The following ZBTB8A variants were observed in gnomAD, a reference collection of about 807,000 sequenced individuals.
ZBTB8A encodes zinc finger and BTB domain containing 8A.
In ZBTB8A, 19 loss-of-function variants were observed where a neutral mutation model predicts 37.8. That is an observed-to-expected ratio of 0.50 (90% CI 0.35 to 0.74). ZBTB8A has a LOEUF of 0.74. ZBTB8A is among the 30% of genes least tolerant of loss of function. The probability of loss-of-function intolerance (pLI) is 0.01; values close to 1 mark genes in which losing one functional copy is unlikely to be tolerated. For synonymous variants in ZBTB8A, 181 were observed against 185.2 expected (o/e 0.98, Z 0.19); for missense variants, 394 against 537.8 (o/e 0.73, Z 2.65).
rs552694342 is a variant in ZBTB8A, at chr1:32,541,956, T to TA, written c.-84+2385dup. Among the ~76,000 whole-genome samples, 708 of 152,334 alleles carry TA rather than the reference T, an allele frequency of 4.6e-3. 6 individuals are homozygous for TA. The highest frequency in any genetic ancestry group is 0.015 in the African/African-American group (635 of 41,580). On this transcript the variant is annotated intron_variant, in intron 1 of 4. Coordinates refer to ENST00000373510, the MANE Select transcript of ZBTB8A (RefSeq NM_001040441.3). ...ATCACTGACTTACAATGGCTTGACT[T>TA]ACGATTTTTTGACTTTACAGTGCGT...
chr1:32,544,257 A>G (rs942556609), intron 1 of ZBTB8A, among the ~76,000 whole-genome samples: 1 of 152,236 alleles, frequency 6.6e-6, no homozygotes, highest in African/African-American at 2.4e-5. Context: ...ACATCATAGA[A>G]TGTACTTACA....
At chr1:32,565,992 G>A (rs750113632) in intron 2 of ZBTB8A, among the ~76,000 whole-genome samples, 1 of 151,746 alleles carries the variant, frequency 6.6e-6, no homozygotes, top group African/African-American at 2.4e-5. Context: ...ATGACGTCAG[G>A]AGATCGAGAC....
chr1:32,595,557 C>T (rs1049143806), intron 4 of ZBTB8A, among the ~76,000 whole-genome samples: 1 of 150,482 alleles, frequency 6.6e-6, no homozygotes, highest in African/African-American at 2.4e-5. Flanking sequence ...CATGAGCCAC[C>T]ACGCCCGGCC....
intron 2 of ZBTB8A, among the ~76,000 whole-genome samples, chr1:32,565,697 G>T (rs771922503): frequency 4.6e-5 from 7 of 152,032 alleles, no homozygotes; most frequent in Non-Finnish European, 1.0e-4. Flanking sequence ...TGTTCTTTAT[G>T]AGCTCAAATT....
At chr1:32,572,463 T>G (rs905540519) in intron 2 of ZBTB8A, among the ~76,000 whole-genome samples, 1 of 151,980 alleles carries the variant, frequency 6.6e-6, no homozygotes, top group African/African-American at 2.4e-5. Flanking sequence ...TGGCGTGATC[T>G]CACCTTACTG....
rs1272342538 is a variant in ZBTB8A, at chr1:32,602,986, A to T, written c.*2567A>T. ...TAAATTGGTTACTTTCTTTTAAAAA[A>T]TTTAAAAATAGATGAATAACCACTT... is the stretch of plus-strand genomic sequence containing the variant. On this transcript the variant is annotated 3_prime_UTR_variant, in exon 5 of 5. Transcript: ENST00000373510. 2 of 152,208 alleles carry T rather than the reference A, an allele frequency of 1.3e-5. No individual in the cohort carries two copies. Among genetic ancestry groups the T allele is most frequent in the African/African-American group, 4.8e-5 (2 of 41,446 alleles). 9.4% of individuals were successfully genotyped at this position (152,208 alleles called of 1,614,324 possible).
intron 1 of ZBTB8A, among the ~76,000 whole-genome samples, chr1:32,552,450 G>A (rs957183565): frequency 6.6e-6 from 1 of 152,058 alleles, no homozygotes; most frequent in Non-Finnish European, 1.5e-5. Flanking sequence ...GCCTGAGGTC[G>A]GTCAGGATTT....
Position 32,539,564 on chromosome 1 carries a change from C to T in ZBTB8A, c.-92C>T, listed in dbSNP as rs1440994624. ...GCGCGCGCGACCGGCCGGTGCGCCG[C>T]GGCCCGCGGTAAGTGGCTGCACGCG... On this transcript the variant is annotated 5_prime_UTR_variant, in exon 1 of 5. Coordinates refer to ENST00000373510, the MANE Select transcript of ZBTB8A (RefSeq NM_001040441.3). 2.7e-5 allele frequency: 4 copies of T among 149,398 alleles called. No homozygotes were observed. The highest frequency in any genetic ancestry group is 7.3e-5 in the African/African-American group (3 of 41,226). 9.3% of individuals were successfully genotyped at this position (149,398 alleles called of 1,614,324 possible). A position where few individuals can be genotyped will look rare whatever the true frequency, so the allele number is the denominator to read the frequency against.
At chr1:32,547,755 G>A (rs901681911) in intron 1 of ZBTB8A, among the ~76,000 whole-genome samples, 4 of 145,094 alleles carry the variant, frequency 2.8e-5, no homozygotes, top group African/African-American at 1.0e-4. Flanking sequence ...GCTGCAGTGA[G>A]CTGTGATCTC....
At chr1:32,541,825 ACCT>A (rs1644057863) in intron 1 of ZBTB8A, among the ~76,000 whole-genome samples, 1 of 152,000 alleles carries the variant, frequency 6.6e-6, no homozygotes, top group Non-Finnish European at 1.5e-5. Context: ...TGGCCCAATC[ACCT>A]CCTAAAGATG....
At chr1:32,597,898 T>C (rs1002269514) in intron 4 of ZBTB8A, among the ~76,000 whole-genome samples, 3 of 151,554 alleles carry the variant, frequency 2.0e-5, no homozygotes, top group Non-Finnish European at 2.9e-5. Context: ...TACAAGCACA[T>C]ATCCGGCTAA....
chr1:32,573,135 A>T, intron 2 of ZBTB8A, among the ~76,000 whole-genome samples: 1 of 138,424 alleles, frequency 7.2e-6, no homozygotes. Flanking sequence ...CAGTGGCATG[A>T]TCTCAGCTAA....
At chr1:32,559,703 G>A (rs1359928439) in intron 2 of ZBTB8A, among the ~76,000 whole-genome samples, 1 of 152,060 alleles carries the variant, frequency 6.6e-6, no homozygotes, top group Non-Finnish European at 1.5e-5. Flanking sequence ...GGGCTCAAGC[G>A]ATTTGCCTGC....
At chr1:32,557,498 A>T (rs1333625157) in intron 2 of ZBTB8A, among the ~76,000 whole-genome samples, 1 of 152,144 alleles carries the variant, frequency 6.6e-6, no homozygotes, top group Non-Finnish European at 1.5e-5. Context: ...TCTGTCCCTG[A>T]GGCTAAAGGG....
chr1:32,586,143 C>T (rs1285687524), intron 2 of ZBTB8A, among the ~76,000 whole-genome samples: 1 of 151,708 alleles, frequency 6.6e-6, no homozygotes, highest in African/African-American at 2.4e-5. Context: ...CAGGGAGAAA[C>T]CCCGTCTGTA....
intron 2 of ZBTB8A, among the ~76,000 whole-genome samples, chr1:32,561,667 G>T (rs1351082474): frequency 6.6e-6 from 1 of 151,994 alleles, no homozygotes; most frequent in Non-Finnish European, 1.5e-5. Context: ...AAAGTGCTAG[G>T]ATTACAGGTG....
At chr1:32,545,801 T>C (rs1296431135) in intron 1 of ZBTB8A, among the ~76,000 whole-genome samples, 3 of 152,232 alleles carry the variant, frequency 2.0e-5, no homozygotes. Flanking sequence ...AAACTTCTTT[T>C]CATCCTTCAA....
chr1:32,541,794 T>G (rs1424109976), intron 1 of ZBTB8A, among the ~76,000 whole-genome samples: 1 of 152,116 alleles, frequency 6.6e-6, no homozygotes. Context: ...ACTAATTCCA[T>G]CCATGAGGGC....
intron 2 of ZBTB8A, among the ~76,000 whole-genome samples, chr1:32,590,225 C>T (rs1045985801): frequency 9.2e-5 from 14 of 152,078 alleles, no homozygotes; most frequent in South Asian, 2.1e-4. Flanking sequence ...TGAGCCACTG[C>T]GCCCTGCCCA....
Sources: allele counts gnomAD v4.1 joint callset (sites outside exome capture counted in the v4.1 genomes callset), GRCh38; gene constraint gnomAD v4.1.1; transcripts MANE v1.5; gene names NCBI Gene and HGNC (gene_info 2026-07-23, HGNC 2026-07-21).